The following RGS6 variants were observed in gnomAD, a reference collection of about 807,000 sequenced individuals.
RGS6 encodes regulator of G-protein signaling 6.
In RGS6, 30 loss-of-function variants were observed where a neutral mutation model predicts 78.5. That is an observed-to-expected ratio of 0.38 (90% CI 0.29 to 0.52). The LOEUF is 0.52. Ranked by LOEUF, RGS6 falls within the 20% of genes least tolerant of loss-of-function variation. The pLI, the probability that RGS6 is intolerant of heterozygous loss-of-function variation, is 0.85. For missense variants in RGS6, 495 were observed against 609.7 expected, an observed-to-expected ratio of 0.81 and a Z score of 1.98; for synonymous variants, 206 against 206.0, an observed-to-expected ratio of 1.00 and a Z score of 0.00.
chr14:72,495,261 A>T lies in RGS6; in HGVS notation c.964A>T (p.Ser322Cys). 6.3e-7 allele frequency: 1 copy of T among 1,599,748 alleles called. No homozygotes were observed. Among genetic ancestry groups the T allele is most frequent in the Non-Finnish European group, 8.6e-7 (1 of 1,166,912 alleles). ...CGTTGCTTTGTGGGACATAGAGATGAGGTAAAAAATGTTTTAAGGTTTGGG... is the reference window on the plus strand; with the variant it reads ...CGTTGCTTTGTGGGACATAGAGATGTGGTAAAAAATGTTTTAAGGTTTGGG... ...DDVALWDIEM[S>C]KEPSQQRVKR... Residue 322 changes from serine (S) to cysteine (C), a missense_variant and splice_region_variant, in exon 13 of 18, where the codon AGC becomes TGC. Ser to Cys is a moderately radical substitution (Grantham distance 112). Coordinates refer to ENST00000553525, the MANE Select transcript of RGS6 (RefSeq NM_001204424.2).
intron 17 of RGS6, chr14:72,540,367 G>C: frequency 6.9e-7 from 1 of 1,456,688 alleles, no homozygotes; most frequent in Non-Finnish European, 9.0e-7. Context: ...TCTGTTCAGG[G>C]CTTTGAGGAG....
intron 2 of RGS6, among the ~76,000 whole-genome samples, chr14:72,328,279 A>G (rs907075808): frequency 6.6e-6 from 1 of 152,356 alleles, no homozygotes; most frequent in East Asian, 1.9e-4. Context: ...ATAATGTTTT[A>G]CCAGCTATCT....
chr14:72,307,229 G>A (rs2152438073), intron 2 of RGS6, among the ~76,000 whole-genome samples: 1 of 146,266 alleles, frequency 6.8e-6, no homozygotes, highest in East Asian at 2.0e-4. Context: ...TAATGCTATT[G>A]CACACTCAAT....
At chr14:72,576,723 AG>A in the RGS6 span, among the ~76,000 whole-genome samples, 1 of 152,216 alleles carries the variant, frequency 6.6e-6, no homozygotes, top group Non-Finnish European at 1.5e-5. Context: ...CTGTCAATCA[AG>A]GCTTCTCAGC....
intron 3 of RGS6, among the ~76,000 whole-genome samples, chr14:72,437,167 CAAAAAAAAA>C (rs71109735): frequency 2.4e-4 from 18 of 75,014 alleles, no homozygotes; most frequent in South Asian, 5.1e-4. Flanking sequence ...ACTAAAAATA[CAAAAAAAAA>C]AAAAAAAAAA....
chr14:72,339,742 A>G (rs2076650487), intron 2 of RGS6, among the ~76,000 whole-genome samples: 1 of 152,200 alleles, frequency 6.6e-6, no homozygotes, highest in Admixed American at 6.5e-5. Context: ...TGAAAGCAGC[A>G]GAGCCTGAGC....
intron 2 of RGS6, among the ~76,000 whole-genome samples, chr14:72,170,341 T>C (rs1046408759): frequency 6.6e-6 from 1 of 152,208 alleles, no homozygotes; most frequent in Non-Finnish European, 1.5e-5. Flanking sequence ...TTACAAAACG[T>C]TGACTGGCAA....
rs780241409 is a variant in RGS6, at chr14:72,527,745, C to T, written c.1279-8441C>T. Among the ~76,000 whole-genome samples, 5 of 152,142 alleles carry T rather than the reference C, an allele frequency of 3.3e-5. No individual in the cohort carries two copies. The East Asian group carries it at 5.8e-4, about 18-fold the overall frequency. Reference sequence around the variant, plus strand: ...GGACTAGAAAGGTGAGCTTTTGGCTCCCAGTCCAGTTCCTTGTCCATCACC... The same window carrying T: ...GGACTAGAAAGGTGAGCTTTTGGCTTCCAGTCCAGTTCCTTGTCCATCACC... On this transcript the variant is annotated intron_variant, in intron 15 of 17. Transcript: ENST00000553525.
the RGS6 span, among the ~76,000 whole-genome samples, chr14:72,616,192 G>A: frequency 3.3e-5 from 5 of 152,196 alleles, no homozygotes; most frequent in East Asian, 5.8e-4. Context: ...GGCTCAGAGA[G>A]TTGAAGTCAT....
intron 2 of RGS6, among the ~76,000 whole-genome samples, chr14:72,201,212 A>G (rs906480769): frequency 6.6e-6 from 1 of 152,160 alleles, no homozygotes; most frequent in Non-Finnish European, 1.5e-5. Flanking sequence ...CGCTCTCTGT[A>G]TGTTCACATA....
chr14:72,110,661 T>C (rs1369552141), intron 2 of RGS6, among the ~76,000 whole-genome samples: 1 of 152,238 alleles, frequency 6.6e-6, no homozygotes, highest in African/African-American at 2.4e-5. Context: ...ACTTTGTGTG[T>C]AAAATTTTTA....
At chr14:72,541,297 A>C in intron 17 of RGS6, 3 of 896,962 alleles carry the variant, frequency 3.3e-6, no homozygotes, top group Non-Finnish European at 4.0e-6. Flanking sequence ...AAAGCAGCCT[A>C]GTCATTTACG....
chr14:72,169,796 A>G (rs1384631884), intron 2 of RGS6, among the ~76,000 whole-genome samples: 3 of 152,158 alleles, frequency 2.0e-5, no homozygotes, highest in Admixed American at 1.3e-4. Context: ...TCTTCTGCCT[A>G]TGAGATGCAG....
At chr14:72,352,285 G>T (rs2079248760) in intron 3 of RGS6, 91 bp downstream of exon 3, 2 of 819,524 alleles carry the variant, frequency 2.4e-6, no homozygotes, top group Non-Finnish European at 3.9e-6. Context: ...CTGAAGATCT[G>T]TGAATAGTAA....
chr14:71,916,309 C>T, the RGS6 span, among the ~76,000 whole-genome samples: 6 of 152,254 alleles, frequency 3.9e-5, no homozygotes, highest in Non-Finnish European at 5.9e-5. Context: ...ACTCGGGCCA[C>T]GAAATCTCTT....
At chr14:72,119,549 A>C (rs753032065) in intron 2 of RGS6, among the ~76,000 whole-genome samples, 1 of 152,182 alleles carries the variant, frequency 6.6e-6, no homozygotes, top group Non-Finnish European at 1.5e-5. Flanking sequence ...TTGAATTTTC[A>C]TTTGGTTTGA....
At chr14:71,984,484 G>GAGAAAAAAAA (rs1387751061) in intron 2 of RGS6, among the ~76,000 whole-genome samples, 1 of 117,434 alleles carries the variant, frequency 8.5e-6, no homozygotes, top group Admixed American at 1.0e-4. Context: ...GTCTCAAAAA[G>GAGAAAAAAAA]AAAAAAAAAA....
chr14:71,951,238 G>A (rs559357138), intron 1 of RGS6, among the ~76,000 whole-genome samples: 4 of 152,222 alleles, frequency 2.6e-5, no homozygotes, highest in African/African-American at 7.2e-5. Flanking sequence ...AAAAAGGAAC[G>A]AGATCATGTC....
chr14:72,320,493 G>C (rs572351518), intron 2 of RGS6, among the ~76,000 whole-genome samples: 2 of 152,080 alleles, frequency 1.3e-5, no homozygotes, highest in Non-Finnish European at 2.9e-5. Context: ...CAGGAGAATG[G>C]CGTGAACCCG....
Sources: allele counts gnomAD v4.1 joint callset (sites outside exome capture counted in the v4.1 genomes callset), GRCh38; gene constraint gnomAD v4.1.1; transcripts MANE v1.5; gene names NCBI Gene and HGNC (gene_info 2026-07-23, HGNC 2026-07-21).